CFAP61: variants seen among roughly 807,000 people sequenced by gnomAD.
CFAP61 encodes the protein cilia- and flagella-associated protein 61.
Under a neutral mutation model 135.6 loss-of-function variants are expected in CFAP61, and 107 were observed. That is an observed-to-expected ratio of 0.79 (90% CI 0.67 to 0.93). The LOEUF (loss-of-function observed/expected upper bound fraction) is 0.93, where lower values mean the gene tolerates loss of function less well. CFAP61 is among the 40% of genes least tolerant of loss of function. The pLI, the probability that CFAP61 is intolerant of heterozygous loss-of-function variation, is 0.00. For missense variants in CFAP61, 1,507 were observed against 1,556.2 expected, an observed-to-expected ratio of 0.97 and a Z score of 0.53; for synonymous variants, 575 against 578.5, an observed-to-expected ratio of 0.99 and a Z score of 0.09.
chr20:20,238,957 CT>C (rs796252941), intron 18 of CFAP61, among the ~76,000 whole-genome samples: 2,085 of 145,750 alleles, frequency 0.014, 32 homozygotes, highest in African/African-American at 0.045. Context: ...TAACTTGAAA[CT>C]TTTTTTTTTT....
intron 8 of CFAP61, among the ~76,000 whole-genome samples, chr20:20,114,014 A>G (rs184175798): frequency 5.3e-5 from 8 of 151,406 alleles, no homozygotes; most frequent in Admixed American, 2.6e-4. Flanking sequence ...CATGCCTGTA[A>G]TTCCAGCACT....
Position 20,077,789 on chromosome 20 carries a change from G to A in CFAP61, c.566+2174G>A, listed in dbSNP as rs77161388. Among the ~76,000 whole-genome samples the A allele has an allele frequency of 1.3e-3, 192 of 151,146 alleles. 1 individual carries two copies. Among genetic ancestry groups the A allele is most frequent in the Middle Eastern group, 3.4e-3 (1 of 294 alleles). ...ATCTAAAGACCTGGAATCAATATGA[G>A]GGAGTGTCTGGGTTAAGATAGGGGT... On this transcript the variant is annotated intron_variant, in intron 6 of 26. Transcript: ENST00000245957.
At chr20:20,221,562 A>T (rs2048406643) in intron 17 of CFAP61, among the ~76,000 whole-genome samples, 1 of 152,210 alleles carries the variant, frequency 6.6e-6, no homozygotes, top group African/African-American at 2.4e-5. Context: ...CAGTCATATA[A>T]GTCTTAGTGC....
chr20:20,288,609 A>AACAAT lies in CFAP61; in HGVS notation c.2797_2798insACAAT (p.Met933AsnfsTer32), dbSNP rs2054767913. 19 of 1,609,876 alleles carry AACAAT rather than the reference A, an allele frequency of 1.2e-5. No homozygotes were observed. Among genetic ancestry groups the AACAAT allele is most frequent in the Non-Finnish European group, 1.6e-5 (19 of 1,176,304 alleles). On this transcript the variant is annotated frameshift_variant and splice_region_variant, in exon 23 of 27. Coordinates refer to ENST00000245957, the MANE Select transcript of CFAP61 (RefSeq NM_015585.4). LOFTEE classifies it high-confidence loss of function. ...ATTGCTGTAATTGTTCACTTCGTAG[A>AACAAT]TGTTCTTCAGCTTCTGTGAGAAGAA...
chr20:20,219,685 C>T (rs2424293), intron 17 of CFAP61, among the ~76,000 whole-genome samples: 15,546 of 152,070 alleles, frequency 0.1, 849 homozygotes, highest in Middle Eastern at 0.16. Flanking sequence ...TTTCATTTCA[C>T]AAAAATCTGA....
rs922646591 is a variant in CFAP61, at chr20:20,110,755, A to G, written c.859+11941A>G. On this transcript the variant is annotated intron_variant, in intron 8 of 26. Transcript: ENST00000245957. The stretch of plus-strand genomic sequence containing the variant: ...ATAGTGAGCTTCCTGAGTGGCCCAC[A>G]CAGCAGCAGCTCCAAGCACGAGGCC... Among the ~76,000 whole-genome samples the G allele has an allele frequency of 1.3e-5, 2 of 152,178 alleles. 1 individual carries two copies. The highest frequency in any genetic ancestry group is 4.1e-4 in the South Asian group (2 of 4,824).
intron 15 of CFAP61, among the ~76,000 whole-genome samples, chr20:20,191,696 A>G (rs576292490): frequency 2.0e-4 from 30 of 151,620 alleles, no homozygotes; most frequent in South Asian, 1.5e-3. Flanking sequence ...ATATATTAAT[A>G]TATTCCATAT....
chr20:20,306,129 C>T (rs908388267), intron 25 of CFAP61, among the ~76,000 whole-genome samples: 5 of 152,190 alleles, frequency 3.3e-5, no homozygotes, highest in Admixed American at 2.0e-4. Context: ...TGGAAGTAAC[C>T]TTTCCTGGGG....
At chr20:20,270,284 G>C (rs557555956) in intron 21 of CFAP61, among the ~76,000 whole-genome samples, 1 of 151,872 alleles carries the variant, frequency 6.6e-6, no homozygotes, top group Admixed American at 6.6e-5. Context: ...TCCAAGTCCC[G>C]ATTCTCTCCA....
At chr20:20,179,091 C>T (rs1478953105) in intron 13 of CFAP61, among the ~76,000 whole-genome samples, 3 of 152,128 alleles carry the variant, frequency 2.0e-5, no homozygotes, top group Non-Finnish European at 4.4e-5. Flanking sequence ...TCAAACTATT[C>T]CTGTTTGCAG....
intron 7 of CFAP61, among the ~76,000 whole-genome samples, chr20:20,093,565 G>A (rs1264323894): frequency 6.6e-6 from 1 of 151,616 alleles, no homozygotes; most frequent in Non-Finnish European, 1.5e-5. Context: ...CTCCCAAGTA[G>A]CTGGGATTAC....
chr20:20,214,593 C>T (rs2047908210), intron 17 of CFAP61, among the ~76,000 whole-genome samples: 1 of 152,224 alleles, frequency 6.6e-6, no homozygotes, highest in South Asian at 2.1e-4. Context: ...CACAGGGATT[C>T]TCCCCAACAA....
chr20:20,271,487 C>A (rs1256066717), intron 21 of CFAP61, among the ~76,000 whole-genome samples: 1 of 152,150 alleles, frequency 6.6e-6, no homozygotes, highest in African/African-American at 2.4e-5. Flanking sequence ...TAGGAAGCAC[C>A]CTTGCACATT....
At chr20:20,091,148 C>T (rs2047172056) in intron 7 of CFAP61, among the ~76,000 whole-genome samples, 172 bp downstream of exon 7, 1 of 152,150 alleles carries the variant, frequency 6.6e-6, no homozygotes, top group South Asian at 2.1e-4. Context: ...CCCTGGGTTA[C>T]TGGCTTTAGG....
At chr20:20,126,580 A>G (rs1298190044) in intron 8 of CFAP61, among the ~76,000 whole-genome samples, 1 of 151,934 alleles carries the variant, frequency 6.6e-6, no homozygotes, top group African/African-American at 2.4e-5. Context: ...CTGCTGAGAA[A>G]TCTGCTGTTA....
chr20:20,328,898 G>T (rs1689668296), intron 25 of CFAP61, among the ~76,000 whole-genome samples: 1 of 152,200 alleles, frequency 6.6e-6, no homozygotes. Context: ...CGTTGTCGGG[G>T]TGTGGAGGTT....
At chr20:20,225,047 T>C (rs940284335) in intron 17 of CFAP61, among the ~76,000 whole-genome samples, 1 of 152,206 alleles carries the variant, frequency 6.6e-6, no homozygotes, top group Non-Finnish European at 1.5e-5. Context: ...GGATCTTGCA[T>C]GTCTGTTTTT....
chr20:20,124,192 A>T (rs1310113961), intron 8 of CFAP61, among the ~76,000 whole-genome samples: 1 of 151,562 alleles, frequency 6.6e-6, no homozygotes, highest in Non-Finnish European at 1.5e-5. Context: ...AAACAGTGAC[A>T]GTTTGACTTC....
intron 21 of CFAP61, among the ~76,000 whole-genome samples, chr20:20,275,181 C>A (rs1285693561): frequency 1.3e-5 from 2 of 152,160 alleles, no homozygotes; most frequent in African/African-American, 4.8e-5. Flanking sequence ...TCAATCCAAG[C>A]AGGATGAAAC....
Sources: allele counts gnomAD v4.1 joint callset (sites outside exome capture counted in the v4.1 genomes callset), GRCh38; gene constraint gnomAD v4.1.1; transcripts MANE v1.5; gene names NCBI Gene and HGNC (gene_info 2026-07-23, HGNC 2026-07-21).